The following CLMP variants were observed in gnomAD, a reference collection of about 807,000 sequenced individuals.
The protein encoded by CLMP is CXADR like cell adhesion molecule, also known as CXADR-like membrane protein.
Under a neutral mutation model 45.2 loss-of-function variants are expected in CLMP, and 27 were observed. That is an observed-to-expected ratio of 0.60 (90% CI 0.44 to 0.82). The LOEUF is 0.82. Among genes scored for constraint, CLMP ranks in the 40% least tolerant of loss-of-function variants. The pLI is 0.00. For synonymous variants in CLMP, 167 were observed against 171.4 expected (o/e 0.97, Z 0.20); for missense variants, 403 against 448.4 (o/e 0.90, Z 0.91).
rs112261491 is a variant in CLMP, at chr11:123,159,276, C to T, written c.28+35637G>A. 5.0e-3 allele frequency among the ~76,000 whole-genome samples: 766 copies of T among 152,336 alleles called. 8 individuals are homozygous for T. Among genetic ancestry groups the T allele is most frequent in the Middle Eastern group, 0.017 (5 of 294 alleles). Reference sequence around the variant, plus strand: ...AAATATCAGCCTTCCAGAATGTGCTCATAGTAGATTACGGAATTAGTCCAC... The same window carrying T: ...AAATATCAGCCTTCCAGAATGTGCTTATAGTAGATTACGGAATTAGTCCAC... On this transcript the variant is annotated intron_variant, in intron 1 of 6. Coordinates refer to ENST00000448775, the MANE Select transcript of CLMP (RefSeq NM_024769.5).
Position 123,195,078 on chromosome 11 carries a change from C to G in CLMP, c.-138G>C, listed in dbSNP as rs1055275228. The G allele has an allele frequency of 6.1e-6, 4 of 650,922 alleles. No individual in the cohort carries two copies. The highest frequency in any genetic ancestry group is 8.7e-6 in the Non-Finnish European group (4 of 458,232). The allele number at this position is 650,922 out of a possible 1,614,324, so 40.3% of individuals were successfully genotyped here. ...GAGGTGGCTGCAGCCATGTGCCGGG[C>G]GGGAGCCGGCCCCGCGCCCCGTGCC... On this transcript the variant is annotated 5_prime_UTR_variant, in exon 1 of 7. Coordinates refer to ENST00000448775, the MANE Select transcript of CLMP (RefSeq NM_024769.5).
At position 123,076,687 on chromosome 11, in the gene CLMP, G is replaced by A. The variant is rs991764455; in HGVS notation, c.680-1844C>T. 4.6e-5 allele frequency among the ~76,000 whole-genome samples: 7 copies of A among 152,122 alleles called. No homozygotes were observed. The South Asian group carries it at 1.5e-3, about 32-fold the overall frequency. On this transcript the variant is annotated intron_variant, in intron 5 of 6. Transcript: ENST00000448775. ...CATAGTGAGCAAGGGAGAGTAGAGG[G>A]AGATGAGGTCACAGAGACAGGAAAG...
chr11:123,179,334 T>C (rs1408865030), intron 1 of CLMP, among the ~76,000 whole-genome samples: 1 of 152,208 alleles, frequency 6.6e-6, no homozygotes, highest in Middle Eastern at 3.2e-3. Context: ...AAGGGATTTC[T>C]ATTGGGTGGA....
chr11:123,115,562 A>G (rs1035198195), intron 1 of CLMP, among the ~76,000 whole-genome samples: 6 of 152,064 alleles, frequency 3.9e-5, no homozygotes, highest in African/African-American at 1.2e-4. Context: ...ATTCCATTCT[A>G]TATGATTCCA....
intron 5 of CLMP, among the ~76,000 whole-genome samples, chr11:123,077,028 C>T (rs1282904672): frequency 1.2e-4 from 11 of 91,296 alleles, no homozygotes; most frequent in Admixed American, 6.4e-4. Flanking sequence ...GATGGAGTTT[C>T]GCTCTTGTTG....
intron 1 of CLMP, among the ~76,000 whole-genome samples, chr11:123,099,240 G>A (rs1227085213): frequency 1.3e-5 from 2 of 152,184 alleles, no homozygotes; most frequent in Non-Finnish European, 2.9e-5. Context: ...TTAAGTTATA[G>A]AGTCATAGTC....
chr11:123,121,561 G>C (rs1041775771), intron 1 of CLMP, among the ~76,000 whole-genome samples: 7 of 152,116 alleles, frequency 4.6e-5, no homozygotes, highest in African/African-American at 1.7e-4. Flanking sequence ...GCCTCCCAAA[G>C]TGCTGGGATT....
Position 123,133,606 on chromosome 11 carries a change from G to A in CLMP, c.29-35654C>T, listed in dbSNP as rs545247160. 2.6e-5 allele frequency among the ~76,000 whole-genome samples: 4 copies of A among 152,076 alleles called. No homozygotes were observed. In the East Asian group the frequency reaches 5.8e-4, roughly 22 times the overall value. On this transcript the variant is annotated intron_variant, in intron 1 of 6. Transcript: ENST00000448775. The stretch of plus-strand genomic sequence containing the variant: ...ATTGTAGTAGCCACTACTATGATGC[G>A]GTTCAGAACATCCTACCCCAAAATA...
rs1284183492 is a variant in CLMP at position 123,073,186 on chromosome 11, C to G, written c.*288G>C. 6.6e-6 allele frequency: 2 copies of G among 302,790 alleles called. No homozygotes were observed. Among genetic ancestry groups the G allele is most frequent in the African/African-American group, 4.3e-5 (2 of 46,544 alleles). The allele number at this position is 302,790 out of a possible 1,614,324, so 18.8% of individuals were successfully genotyped here. A position where few individuals can be genotyped will look rare whatever the true frequency, so the allele number is the denominator to read the frequency against. On this transcript the variant is annotated 3_prime_UTR_variant, in exon 7 of 7. Coordinates refer to ENST00000448775, the MANE Select transcript of CLMP (RefSeq NM_024769.5). Reference sequence around the variant, plus strand: ...GTATATTCACCTCACCTTTCCCCAACCTTCTCACCACAGGTCCTGGTCAAC... The same window carrying G: ...GTATATTCACCTCACCTTTCCCCAAGCTTCTCACCACAGGTCCTGGTCAAC...
rs186554383 is a variant in CLMP, at chr11:123,186,710, A to G, written c.28+8203T>C. Among the ~76,000 whole-genome samples the G allele has an allele frequency of 2.3e-3, 344 of 152,198 alleles. 3 individuals are homozygous for G. The highest frequency in any genetic ancestry group is 4.4e-3 in the Admixed American group (67 of 15,300). ...GCTCATTTTTATATTTTTAGTAGAG[A>G]CAGGGTTTCGCCATGTTGGCCAGGC... On this transcript the variant is annotated intron_variant, in intron 1 of 6. Coordinates refer to ENST00000448775, the MANE Select transcript of CLMP (RefSeq NM_024769.5).
At chr11:123,100,956 C>G (rs1036195477) in intron 1 of CLMP, among the ~76,000 whole-genome samples, 2 of 152,062 alleles carry the variant, frequency 1.3e-5, no homozygotes, top group Non-Finnish European at 2.9e-5. Flanking sequence ...CGCCTGCCCC[C>G]GACCTCTCTG....
chr11:123,186,050 C>T (rs779884480), intron 1 of CLMP, among the ~76,000 whole-genome samples: 2 of 152,156 alleles, frequency 1.3e-5, no homozygotes, highest in South Asian at 2.1e-4. Context: ...CTGGCTGCCT[C>T]GTCATGCCTA....
At chr11:123,129,704 T>C (rs1002523539) in intron 1 of CLMP, among the ~76,000 whole-genome samples, 6 of 141,506 alleles carry the variant, frequency 4.2e-5, no homozygotes, top group African/African-American at 1.0e-4. Context: ...AATAATATTA[T>C]ATATTATATA....
chr11:123,165,956 G>A (rs75938132), intron 1 of CLMP, among the ~76,000 whole-genome samples: 1 of 152,088 alleles, frequency 6.6e-6, no homozygotes, highest in East Asian at 1.9e-4. Flanking sequence ...GTTCTATTAA[G>A]GTTTTGCTAC....
At chr11:123,136,440 C>G (rs1451218436) in intron 1 of CLMP, 4 of 308,988 alleles carry the variant, frequency 1.3e-5, no homozygotes, top group African/African-American at 7.6e-5. Flanking sequence ...CCTCCTTGTC[C>G]CCCCCCACCC....
rs1331644835 is a variant in CLMP at position 123,071,373 on chromosome 11, C to G, written c.*2101G>C. ...TCGCTTGAACTCGGGAGGTGGAGGT[C>G]GCAGTGAGCCGAGATACGCCACTGC... On this transcript the variant is annotated 3_prime_UTR_variant, in exon 7 of 7. Transcript: ENST00000448775. The G allele has an allele frequency of 6.6e-6, 1 of 151,964 alleles. No homozygotes were observed. The highest frequency in any genetic ancestry group is 2.4e-5 in the African/African-American group (1 of 41,340). 9.4% of individuals were successfully genotyped at this position (151,964 alleles called of 1,614,324 possible). A position where few individuals can be genotyped will look rare whatever the true frequency, so the allele number is the denominator to read the frequency against.
At chr11:123,165,728 A>T (rs1861547410) in intron 1 of CLMP, among the ~76,000 whole-genome samples, 1 of 152,064 alleles carries the variant, frequency 6.6e-6, no homozygotes, top group Non-Finnish European at 1.5e-5. Context: ...CAGCCCAAAG[A>T]CTGTAGGGAC....
Position 123,195,062 on chromosome 11 carries a change from G to C in CLMP, c.-122C>G, listed in dbSNP as rs1213508200. 6.0e-6 allele frequency: 5 copies of C among 829,766 alleles called. No homozygotes were observed. The highest frequency in any genetic ancestry group is 8.2e-6 in the Non-Finnish European group (5 of 606,306). The allele number at this position is 829,766 out of a possible 1,614,324, so 51.4% of individuals were successfully genotyped here. On this transcript the variant is annotated 5_prime_UTR_variant, in exon 1 of 7. Coordinates refer to ENST00000448775, the MANE Select transcript of CLMP (RefSeq NM_024769.5). ...GCCTCGGGGTGCGCGCGAGGTGGCT[G>C]CAGCCATGTGCCGGGCGGGAGCCGG...
intron 1 of CLMP, among the ~76,000 whole-genome samples, chr11:123,145,759 C>G (rs867144510): frequency 6.6e-6 from 1 of 152,200 alleles, no homozygotes; most frequent in South Asian, 2.1e-4. Flanking sequence ...CCACTGTGCC[C>G]GGCCTTGCGG....
Sources: allele counts gnomAD v4.1 joint callset (sites outside exome capture counted in the v4.1 genomes callset), GRCh38; gene constraint gnomAD v4.1.1; transcripts MANE v1.5; gene names NCBI Gene and HGNC (gene_info 2026-07-23, HGNC 2026-07-21).